RPRD1B: variants seen among roughly 807,000 people sequenced by gnomAD.
The protein encoded by RPRD1B is regulation of nuclear pre-mRNA domain-containing protein 1B.
In RPRD1B, 11 loss-of-function variants were observed where a neutral mutation model predicts 41.5. That is an observed-to-expected ratio of 0.27 (90% CI 0.17 to 0.44). RPRD1B has a LOEUF of 0.44. Among genes scored for constraint, RPRD1B ranks in the 20% least tolerant of loss-of-function variants. The probability of loss-of-function intolerance (pLI) is 1.00; values close to 1 mark genes in which losing one functional copy is unlikely to be tolerated. For missense variants in RPRD1B, 248 were observed against 389.9 expected (o/e 0.64, Z 3.06); for synonymous variants, 158 against 155.6 (o/e 1.02, Z -0.12).
chr20:38,085,415 T>TGAC (rs2074552049), intron 6 of RPRD1B: 2 of 152,266 alleles, frequency 1.3e-5, no homozygotes, highest in African/African-American at 2.4e-5. Context: ...AAGAAGCATG[T>TGAC]GACCACCTGG....
chr20:38,085,936 C>T (rs1012861698), intron 6 of RPRD1B, among the ~76,000 whole-genome samples: 12 of 150,680 alleles, frequency 8.0e-5, no homozygotes, highest in Admixed American at 4.6e-4. Flanking sequence ...ACCTCCTGGG[C>T]TCAAGCAATC....
At position 38,091,163 on chromosome 20, in the gene RPRD1B, C is replaced by T. The variant is rs2074609004; in HGVS notation, c.*1288C>T. ...TTTTGACATTGGAAAGGGCAGAAAG[C>T]GATTTGCCCCAGTAGTGTAATAGGA... On this transcript the variant is annotated 3_prime_UTR_variant, in exon 7 of 7. Coordinates refer to ENST00000373433, the MANE Select transcript of RPRD1B (RefSeq NM_021215.4). 1 of 985,678 alleles carries T rather than the reference C, an allele frequency of 1.0e-6. No homozygotes were observed. Among genetic ancestry groups the T allele is most frequent in the African/African-American group, 1.7e-5 (1 of 57,286 alleles). The allele number at this position is 985,678 out of a possible 1,614,324, so 61.1% of individuals were successfully genotyped here.
chr20:38,074,948 T>C (rs1420240279), intron 6 of RPRD1B, among the ~76,000 whole-genome samples: 4 of 152,248 alleles, frequency 2.6e-5, no homozygotes. Context: ...TTTCTTAACA[T>C]GATTATTTTT....
At chr20:38,088,946 C>T (rs1459603046) in intron 6 of RPRD1B, among the ~76,000 whole-genome samples, 1 of 152,170 alleles carries the variant, frequency 6.6e-6, no homozygotes, top group African/African-American at 2.4e-5. Context: ...GAGACCCCCT[C>T]CAGGCTTGCG....
At position 38,091,353 on chromosome 20, in the gene RPRD1B, C is replaced by T. The variant is rs1231459226; in HGVS notation, c.*1478C>T. 1.0e-5 allele frequency: 10 copies of T among 985,274 alleles called. No individual in the cohort carries two copies. Among genetic ancestry groups the T allele is most frequent in the Admixed American group, 6.2e-5 (1 of 16,256 alleles). The allele number at this position is 985,274 out of a possible 1,614,324, so 61.0% of individuals were successfully genotyped here. ...CATAACCTATGTTTATAAAGCATAA[C>T]GGGCTTCCCTTCCAGAAGCTCTCCT... On this transcript the variant is annotated 3_prime_UTR_variant, in exon 7 of 7. Transcript: ENST00000373433.
chr20:38,085,627 T>A (rs1410076914), intron 6 of RPRD1B: 2 of 152,164 alleles, frequency 1.3e-5, no homozygotes, highest in Non-Finnish European at 2.9e-5. Flanking sequence ...TGAACTACAC[T>A]TGTGTGAGAA....
At chr20:38,045,949 G>A (rs1048885219) in intron 2 of RPRD1B, among the ~76,000 whole-genome samples, 1 of 152,128 alleles carries the variant, frequency 6.6e-6, no homozygotes, top group Non-Finnish European at 1.5e-5. Context: ...TGGCATTCAG[G>A]GCTCGCTGTA....
In RPRD1B at chr20:38,089,834, G is replaced by GC. The variant is rs2074597295; in HGVS notation, c.946dup (p.Leu316ProfsTer11). 1 of 1,614,146 alleles carries GC rather than the reference G, an allele frequency of 6.2e-7. No individual in the cohort carries two copies. ...GCTGCCCAACGTCACAGGGGGCTTA[G>GC]CCCCCCTGCCCTCTGCTGGGGACCT... On this transcript the variant is annotated frameshift_variant, in exon 7 of 7. Transcript: ENST00000373433. LOFTEE classifies it high-confidence loss of function.
chr20:38,043,641 A>G (rs1301865261), intron 2 of RPRD1B, among the ~76,000 whole-genome samples: 1 of 152,196 alleles, frequency 6.6e-6, no homozygotes. Context: ...GGAAGATACT[A>G]ATAGCTTCCA....
At chr20:38,064,167 G>T (rs1296356136) in intron 5 of RPRD1B, among the ~76,000 whole-genome samples, 1 of 152,166 alleles carries the variant, frequency 6.6e-6, no homozygotes, top group African/African-American at 2.4e-5. Context: ...TGTGACTGAG[G>T]TGATCTCTTT....
intron 5 of RPRD1B, among the ~76,000 whole-genome samples, chr20:38,063,109 G>T (rs569382791): frequency 1.3e-5 from 2 of 151,966 alleles, no homozygotes; most frequent in African/African-American, 4.8e-5. Context: ...TCCTCCTAGC[G>T]CCTTTGTACT....
intron 3 of RPRD1B, among the ~76,000 whole-genome samples, chr20:38,051,828 C>T (rs921714473): frequency 2.6e-5 from 4 of 151,886 alleles, no homozygotes; most frequent in African/African-American, 4.9e-5. Context: ...CTCGGCTCAC[C>T]GCAACCTCTG....
chr20:38,085,142 A>G (rs1024732888), intron 6 of RPRD1B, among the ~76,000 whole-genome samples: 1 of 152,150 alleles, frequency 6.6e-6, no homozygotes, highest in African/African-American at 2.4e-5. Context: ...CTTGCATAAG[A>G]TTGGTCGTGG....
At chr20:38,053,618 A>G (rs1302347984) in intron 3 of RPRD1B, among the ~76,000 whole-genome samples, 1 of 152,206 alleles carries the variant, frequency 6.6e-6, no homozygotes, top group Non-Finnish European at 1.5e-5. Flanking sequence ...CTGTAAAATC[A>G]TTAGAAGCCC....
intron 3 of RPRD1B, chr20:38,049,851 G>A (rs991655140): frequency 1.9e-5 from 9 of 470,890 alleles, no homozygotes; most frequent in Admixed American, 1.9e-4. Flanking sequence ...ATCTGAACTA[G>A]CCTGTTTTTC....
Position 38,058,497 on chromosome 20 carries a change from G to A in RPRD1B, c.528+853G>A, listed in dbSNP as rs116900061. Among the ~76,000 whole-genome samples, 444 of 152,242 alleles carry A rather than the reference G, an allele frequency of 2.9e-3. 1 individual carries two copies. The highest frequency in any genetic ancestry group is 4.4e-3 in the Admixed American group (68 of 15,302). On this transcript the variant is annotated intron_variant, in intron 4 of 6. Transcript: ENST00000373433. ...CATCTACAGAGCTAGCTACTCCTTG[G>A]TGATTATGGAGTGGCCTGTTAGCAT...
chr20:38,057,449 T>C, intron 3 of RPRD1B, 83 bp from the exon 4 acceptor site: 4 of 902,642 alleles, frequency 4.4e-6, no homozygotes, highest in Non-Finnish European at 5.5e-6. Flanking sequence ...TGCCCTGTTT[T>C]TACATGTGGC....
At chr20:38,063,931 T>G (rs1043809944) in intron 5 of RPRD1B, among the ~76,000 whole-genome samples, 1 of 152,266 alleles carries the variant, frequency 6.6e-6, no homozygotes. Context: ...ATGAATTATT[T>G]CCTTTGTAAA....
intron 6 of RPRD1B, among the ~76,000 whole-genome samples, chr20:38,076,393 G>T: frequency 6.6e-6 from 1 of 152,140 alleles, no homozygotes; most frequent in East Asian, 1.9e-4. Context: ...CGTCACATGG[G>T]ACCTTTAGGG....
Sources: gnomAD v4.1 joint callset for allele counts (sites outside exome capture counted in the v4.1 genomes callset) on GRCh38, gnomAD v4.1.1 for gene constraint, MANE v1.5 for transcripts, NCBI Gene and HGNC (gene_info 2026-07-23, HGNC 2026-07-21) for gene names.